Variants in ZNF429 observed in about 807,000 individuals in gnomAD.
The protein encoded by ZNF429 is zinc finger protein 429.
In ZNF429, 53 loss-of-function variants were observed where a neutral mutation model predicts 56.8. The observed-to-expected ratio is 0.93, with a 90% CI of 0.75 to 1.17. The LOEUF is 1.17. Ranked by LOEUF, ZNF429 falls within the 50% of genes most tolerant of loss-of-function variation. The pLI is 0.00. For synonymous variants in ZNF429, 278 were observed against 264.7 expected (o/e 1.05, Z -0.49); for missense variants, 849 against 788.4 (o/e 1.08, Z -0.92).
chr19:21,537,496 C>T lies in ZNF429; in HGVS notation c.1443C>T (p.Tyr481=). The T allele has an allele frequency of 1.2e-6, 2 of 1,613,840 alleles. No homozygotes were observed. The highest frequency in any genetic ancestry group is 8.5e-7 in the Non-Finnish European group (1 of 1,179,972). Residue 481 remains tyrosine, a synonymous_variant, in exon 4 of 4, where the codon TAC becomes TAT. Transcript: ENST00000358491. ...GAATTCATACTGGAGAGAAACCCTACAAATGTGAAGAATGTGGCAAAGCCT... is the reference window on the plus strand; with the variant it reads ...GAATTCATACTGGAGAGAAACCCTATAAATGTGAAGAATGTGGCAAAGCCT... ...HRRIHTGEKP[Y]KCEECGKAFK...
rs868307862 is a variant in ZNF429, at chr19:21,538,320, A to G, written c.*242A>G. On this transcript the variant is annotated 3_prime_UTR_variant, in exon 4 of 4. Coordinates refer to ENST00000358491, the MANE Select transcript of ZNF429 (RefSeq NM_001001415.4). ...AAAAAGAAAAGAAAATTCATAGGCC[A>G]GGTATGGTGGCTCATGCCTGCCTGT... Among the ~76,000 whole-genome samples, 1 of 127,536 alleles carries G rather than the reference A, an allele frequency of 7.8e-6. No homozygotes were observed. The highest frequency in any genetic ancestry group is 3.0e-5 in the African/African-American group (1 of 33,806). 83.7% of individuals were successfully genotyped at this position (127,536 alleles called of 152,430 possible). A position where few individuals can be genotyped will look rare whatever the true frequency, so the allele number is the denominator to read the frequency against.
Position 21,505,719 on chromosome 19 carries a change from CAGATATTGGG to C in ZNF429, c.-47_-38del. On this transcript the variant is annotated 5_prime_UTR_variant, in exon 1 of 4. Transcript: ENST00000358491. Reference sequence around the variant, plus strand: ...CCAGCCTGTGTGGCCCTGTGACCCGCAGATATTGGGAGATACACAGCTAAGACTCCAGGAC... The same window carrying C: ...CCAGCCTGTGTGGCCCTGTGACCCGCAGATACACAGCTAAGACTCCAGGAC... 6.3e-7 allele frequency: 1 copy of C among 1,598,552 alleles called. No homozygotes were observed. The highest frequency in any genetic ancestry group is 8.5e-7 in the Non-Finnish European group (1 of 1,169,634).
At chr19:21,522,836 C>T (rs936910565) in intron 1 of ZNF429, among the ~76,000 whole-genome samples, 1 of 151,578 alleles carries the variant, frequency 6.6e-6, no homozygotes, top group Non-Finnish European at 1.5e-5. Flanking sequence ...GCAGAGGTTG[C>T]ATTGAGCCAA....
At chr19:21,506,738 A>C (rs1459550876) in intron 1 of ZNF429, among the ~76,000 whole-genome samples, 2 of 144,140 alleles carry the variant, frequency 1.4e-5, no homozygotes, top group Non-Finnish European at 3.1e-5. Context: ...AGTAATTTAC[A>C]AAAAAAAAAG....
In ZNF429 at chr19:21,540,046, AT is replaced by A. The variant is rs2033867234; in HGVS notation, c.*1974del. Reference sequence around the variant, plus strand: ...CCTCTGTATTACAGTGATAGAAAATATTTTTTAGTTAAAAGTGAATTTATAA... The same window carrying A: ...CCTCTGTATTACAGTGATAGAAAATATTTTTAGTTAAAAGTGAATTTATAA... On this transcript the variant is annotated 3_prime_UTR_variant, in exon 4 of 4. Coordinates refer to ENST00000358491, the MANE Select transcript of ZNF429 (RefSeq NM_001001415.4). 6.6e-6 allele frequency among the ~76,000 whole-genome samples: 1 copy of A among 152,188 alleles called. No homozygotes were observed. The highest frequency in any genetic ancestry group is 1.5e-5 in the Non-Finnish European group (1 of 68,034).
At position 21,536,737 on chromosome 19, in the gene ZNF429, C is replaced by G. The variant is rs771313727; in HGVS notation, c.684C>G (p.His228Gln). The G allele has an allele frequency of 6.2e-7, 1 of 1,614,030 alleles. No individual in the cohort carries two copies. The highest frequency in any genetic ancestry group is 8.5e-7 in the Non-Finnish European group (1 of 1,180,022). ...NHKRIYVGEK[H>Q]YRCEECGKAF... is the part of the protein sequence containing the mutation. Reference sequence around the variant, plus strand: ...AGAGAATTTATGTTGGTGAGAAACACTACAGATGTGAAGAATGTGGCAAAG... The same window carrying G: ...AGAGAATTTATGTTGGTGAGAAACAGTACAGATGTGAAGAATGTGGCAAAG... The change falls in exon 4 of 4, where the codon CAC becomes CAG. Residue 228 changes from histidine to glutamine, a missense_variant. Physicochemically the swap from His to Gln is conservative, Grantham distance 24. Coordinates refer to ENST00000358491, the MANE Select transcript of ZNF429 (RefSeq NM_001001415.4).
intron 3 of ZNF429, among the ~76,000 whole-genome samples, chr19:21,535,421 TTTCTTTCTTTCTTTCTTTC>T: frequency 2.8e-4 from 1 of 3,602 alleles, no homozygotes; most frequent in Non-Finnish European, 5.5e-4. Flanking sequence ...CTTTTCTTTC[TTTCTTTCTTTCTTTCTTTC>T]TTTCTTTCTT....
intron 1 of ZNF429, among the ~76,000 whole-genome samples, chr19:21,508,478 C>T (rs2032295110): frequency 6.6e-6 from 1 of 152,166 alleles, no homozygotes. Context: ...CTTATCAGCA[C>T]TGCCACTCCC....
At chr19:21,532,415 A>C in intron 3 of ZNF429, among the ~76,000 whole-genome samples, 1 of 152,240 alleles carries the variant, frequency 6.6e-6, no homozygotes, top group African/African-American at 2.4e-5. Flanking sequence ...GTGCAGAAAA[A>C]TTAACAAAAA....
chr19:21,526,845 A>G (rs1007853673), intron 1 of ZNF429, among the ~76,000 whole-genome samples: 2 of 152,100 alleles, frequency 1.3e-5, no homozygotes, highest in African/African-American at 4.8e-5. Context: ...TCCTCTTGGG[A>G]TTGCTAGTTT....
chr19:21,522,924 G>A (rs377195202), intron 1 of ZNF429, among the ~76,000 whole-genome samples: 18 of 151,574 alleles, frequency 1.2e-4, no homozygotes, highest in East Asian at 5.8e-4. Flanking sequence ...ATACTGTCCC[G>A]TAAATATGCA....
intron 1 of ZNF429, among the ~76,000 whole-genome samples, chr19:21,527,794 A>G (rs1475347492): frequency 1.3e-5 from 2 of 152,126 alleles, no homozygotes; most frequent in Non-Finnish European, 2.9e-5. Flanking sequence ...TAGTCTCAAG[A>G]TGCAGGTGTG....
At chr19:21,532,905 C>G in intron 3 of ZNF429, among the ~76,000 whole-genome samples, 1 of 152,048 alleles carries the variant, frequency 6.6e-6, no homozygotes, top group Non-Finnish European at 1.5e-5. Context: ...ACCCTGTTGG[C>G]CAGGCTGGTC....
intron 1 of ZNF429, among the ~76,000 whole-genome samples, chr19:21,515,335 T>C (rs2032690482): frequency 6.6e-6 from 1 of 151,832 alleles, no homozygotes; most frequent in Non-Finnish European, 1.5e-5. Flanking sequence ...TCTCTACTGA[T>C]TAGTGATAAG....
chr19:21,521,700 C>T (rs1363540722), intron 1 of ZNF429: 2 of 152,940 alleles, frequency 1.3e-5, no homozygotes, highest in African/African-American at 2.4e-5. Flanking sequence ...AAGGCCTATT[C>T]ATATCCTGTG....
intron 3 of ZNF429, among the ~76,000 whole-genome samples, chr19:21,532,010 G>A: frequency 7.0e-6 from 1 of 142,286 alleles, no homozygotes; most frequent in Non-Finnish European, 1.5e-5. Flanking sequence ...TCTGATAGAA[G>A]AGAGGAAGAA....
rs10406870 is a variant in ZNF429 at position 21,539,485 on chromosome 19, A to G, written c.*1407A>G. ...TGCCTACGTTGGAGTTCAGTGGCAC[A>G]ATTTCAGCTTGCTGCCAACTTCGAC... is the stretch of plus-strand genomic sequence containing the variant. On this transcript the variant is annotated 3_prime_UTR_variant, in exon 4 of 4. Transcript: ENST00000358491. Among the ~76,000 whole-genome samples the G allele has an allele frequency of 0.21, 32,473 of 151,970 alleles. 3,666 individuals carry two copies. Among genetic ancestry groups the G allele is most frequent in the African/African-American group, 0.28 (11,600 of 41,454 alleles).
chr19:21,539,967 T>C lies in ZNF429; in HGVS notation c.*1889T>C, dbSNP rs2033863434. 6.6e-6 allele frequency among the ~76,000 whole-genome samples: 1 copy of C among 152,072 alleles called. No individual in the cohort carries two copies. Among genetic ancestry groups the C allele is most frequent in the South Asian group, 2.1e-4 (1 of 4,824 alleles). ...TTGATGAAAATCTAAGTGGAGAGGC[T>C]CTTTGTGGTTAACTTATTGAGTGAT... On this transcript the variant is annotated 3_prime_UTR_variant, in exon 4 of 4. Transcript: ENST00000358491.
In ZNF429 at chr19:21,526,564, A is replaced by T. The variant is rs1599467869; in HGVS notation, c.4-3094A>T. ...TTGTCAAACTCAGAGAGACATTAAA[A>T]TGAGAACACAATTACGTCTTTCCTC... On this transcript the variant is annotated intron_variant, in intron 1 of 3. Transcript: ENST00000358491. Among the ~76,000 whole-genome samples the T allele has an allele frequency of 1.3e-5, 2 of 152,154 alleles. 1 individual carries two copies. Among genetic ancestry groups the T allele is most frequent in the Admixed American group, 1.3e-4 (2 of 15,276 alleles).
Sources: gnomAD v4.1 joint callset for allele counts (sites outside exome capture counted in the v4.1 genomes callset) on GRCh38, gnomAD v4.1.1 for gene constraint, MANE v1.5 for transcripts, NCBI Gene and HGNC (gene_info 2026-07-23, HGNC 2026-07-21) for gene names.